Variants in RPAP2 observed in about 807,000 individuals in gnomAD.
RPAP2 encodes the protein RNA polymerase II associated protein 2.
Under a neutral mutation model 73.1 loss-of-function variants are expected in RPAP2, and 52 were observed. The ratio of observed to expected loss-of-function variants is 0.71; its 90% CI spans 0.57 to 0.90. RPAP2 has a LOEUF of 0.90. Ranked by LOEUF, RPAP2 falls within the 40% of genes least tolerant of loss-of-function variation. The pLI is 0.00. For synonymous variants in RPAP2, 225 were observed against 242.1 expected, an observed-to-expected ratio of 0.93 and a Z score of 0.65; for missense variants, 598 against 701.8, an observed-to-expected ratio of 0.85 and a Z score of 1.67.
chr1:92,359,053 CCCCACCTT>C (rs1654618749), intron 11 of RPAP2, among the ~76,000 whole-genome samples: 1 of 152,162 alleles, frequency 6.6e-6, no homozygotes, highest in Non-Finnish European at 1.5e-5. Context: ...TGTATCTTGC[CCCCACCTT>C]TTATGGAATT....
At chr1:92,355,901 A>C (rs930267057) in intron 11 of RPAP2, among the ~76,000 whole-genome samples, 2 of 152,218 alleles carry the variant, frequency 1.3e-5, no homozygotes, top group African/African-American at 4.8e-5. Context: ...GATAAGGGAT[A>C]CTCAAACTAT....
chr1:92,374,978 TAATA>T (rs1275029207), intron 11 of RPAP2, among the ~76,000 whole-genome samples: 14 of 152,114 alleles, frequency 9.2e-5, no homozygotes, highest in Admixed American at 4.6e-4. Flanking sequence ...AAATAAAATT[TAATA>T]AATAAATAAA....
At position 92,388,925 on chromosome 1, in the gene RPAP2, C is replaced by G. The variant is rs2101464225; in HGVS notation, c.*1914C>G. 6.6e-6 allele frequency: 1 copy of G among 152,422 alleles called. No individual in the cohort carries two copies. The highest frequency in any genetic ancestry group is 3.4e-3 in the Middle Eastern group (1 of 294). The allele number at this position is 152,422 out of a possible 1,614,324, so 9.4% of individuals were successfully genotyped here. A position where few individuals can be genotyped will look rare whatever the true frequency, so the allele number is the denominator to read the frequency against. On this transcript the variant is annotated 3_prime_UTR_variant, in exon 13 of 13. Transcript: ENST00000610020. Reference sequence around the variant, plus strand: ...CAGAGCCCACCACAGCTCAGCAAGGCCTACTGTCTCTGTAGATTCCACCTC... The same window carrying G: ...CAGAGCCCACCACAGCTCAGCAAGGGCTACTGTCTCTGTAGATTCCACCTC...
intron 11 of RPAP2, among the ~76,000 whole-genome samples, chr1:92,366,310 A>G (rs1329319761): frequency 3.9e-5 from 6 of 152,202 alleles, no homozygotes; most frequent in African/African-American, 1.4e-4. Flanking sequence ...CTCTTAAAAA[A>G]AGTGTCTGAA....
intron 6 of RPAP2, among the ~76,000 whole-genome samples, chr1:92,311,166 G>A (rs952858808): frequency 6.6e-6 from 1 of 152,020 alleles, no homozygotes; most frequent in Non-Finnish European, 1.5e-5. Context: ...TTTAGCTCAC[G>A]TTTTTGGTTG....
At chr1:92,383,285 G>GT (rs1379187805) in intron 12 of RPAP2, among the ~76,000 whole-genome samples, 1 of 152,158 alleles carries the variant, frequency 6.6e-6, no homozygotes, top group East Asian at 1.9e-4. Flanking sequence ...CTTTAAAGTA[G>GT]TTTTTTCCAA....
Position 92,381,765 on chromosome 1 carries a change from T to A in RPAP2, c.1838+892T>A, listed in dbSNP as rs186900987. 5.4e-3 allele frequency among the ~76,000 whole-genome samples: 828 copies of A among 152,036 alleles called. 34 individuals carry two copies. Among genetic ancestry groups the A allele is most frequent in the Admixed American group, 0.049 (748 of 15,262 alleles). ...GATGTCTGTCATTTATTTTATTATT[T>A]TTTTTAATTTTATTATTATTATACT... On this transcript the variant is annotated intron_variant, in intron 12 of 12. Coordinates refer to ENST00000610020, the MANE Select transcript of RPAP2 (RefSeq NM_024813.3).
intron 11 of RPAP2, among the ~76,000 whole-genome samples, chr1:92,380,139 G>A (rs1003004902): frequency 5.3e-5 from 8 of 151,290 alleles, no homozygotes; most frequent in Non-Finnish European, 7.4e-5. Flanking sequence ...TTAGCCGGGC[G>A]TGGTGGCAAG....
rs754885535 is a variant in RPAP2 at position 92,299,060 on chromosome 1, G to A, written c.-14G>A. On this transcript the variant is annotated 5_prime_UTR_variant, in exon 1 of 13. Transcript: ENST00000610020. ...CGCCGGAGCGTGTCCCCGTCCGGCA[G>A]ACTACTCTCCCCCATGGCGGACTTC... 1.6e-5 allele frequency: 24 copies of A among 1,462,570 alleles called. No individual in the cohort carries two copies. The highest frequency in any genetic ancestry group is 2.2e-4 in the Middle Eastern group (1 of 4,484). The allele number at this position is 1,462,570 out of a possible 1,614,324, so 90.6% of individuals were successfully genotyped here.
intron 11 of RPAP2, 127 bp downstream of exon 11, chr1:92,346,041 TTTTCC>T (rs1419785775): frequency 3.5e-6 from 2 of 571,814 alleles, no homozygotes; most frequent in Non-Finnish European, 6.1e-6. Flanking sequence ...TTGTGCCTTA[TTTTCC>T]TTTCCTATGT....
chr1:92,346,616 C>T (rs183258110), intron 11 of RPAP2, among the ~76,000 whole-genome samples: 2 of 152,102 alleles, frequency 1.3e-5, no homozygotes, highest in Non-Finnish European at 2.9e-5. Flanking sequence ...TTTTGTTTGT[C>T]AACATACTTT....
At chr1:92,338,028 A>G (rs1273306927) in intron 10 of RPAP2, among the ~76,000 whole-genome samples, 1 of 152,220 alleles carries the variant, frequency 6.6e-6, no homozygotes, top group Admixed American at 6.5e-5. Context: ...GTTTTCCTAA[A>G]TAATTGAAAG....
chr1:92,356,460 C>G (rs1184054039), intron 11 of RPAP2, among the ~76,000 whole-genome samples: 1 of 151,908 alleles, frequency 6.6e-6, no homozygotes, highest in Non-Finnish European at 1.5e-5. Context: ...CTCTATCACC[C>G]AGGCTGCAGT....
chr1:92,331,079 T>C (rs1336740841), intron 8 of RPAP2, among the ~76,000 whole-genome samples: 2 of 152,228 alleles, frequency 1.3e-5, no homozygotes, highest in African/African-American at 4.8e-5. Flanking sequence ...ACCTTAATTG[T>C]GGATTGATTA....
intron 11 of RPAP2, among the ~76,000 whole-genome samples, chr1:92,377,163 T>C (rs1381495287): frequency 6.6e-6 from 1 of 152,158 alleles, no homozygotes; most frequent in Non-Finnish European, 1.5e-5. Context: ...AGATAGACCC[T>C]AAGGCTTTGA....
chr1:92,304,010 G>A lies in RPAP2; in HGVS notation c.268G>A (p.Val90Ile). 1 of 1,613,000 alleles carries A rather than the reference G, an allele frequency of 6.2e-7. No individual in the cohort carries two copies. The highest frequency in any genetic ancestry group is 8.5e-7 in the Non-Finnish European group (1 of 1,179,482). ...RFITPAHYSD[V>I]VDERSIVKLC... ...CATTACACCTGCTCACTACAGTGAT[G>A]TCGTGGATGAACGTTCTATTGTCAA... Residue 90 changes from valine to isoleucine, a missense_variant, in exon 4 of 13, where the codon GTC becomes ATC. Around this residue, in one of 3 missense-constraint regions of RPAP2, gnomAD observed 506 missense variants for 612.8 expected, o/e 0.83. Transcript: ENST00000610020.
intron 3 of RPAP2, among the ~76,000 whole-genome samples, chr1:92,302,248 G>A (rs1650902452): frequency 6.6e-6 from 1 of 151,342 alleles, no homozygotes; most frequent in Non-Finnish European, 1.5e-5. Flanking sequence ...CTGCACTCCA[G>A]TCTGGGCAAC....
At position 92,397,466 on chromosome 1, in the gene RPAP2, C is replaced by T. The variant is rs1024966094; in HGVS notation, c.*10455C>T. 1 of 152,134 alleles carries T rather than the reference C, an allele frequency of 6.6e-6. No individual in the cohort carries two copies. Among genetic ancestry groups the T allele is most frequent in the Non-Finnish European group, 1.5e-5 (1 of 68,028 alleles). The allele number at this position is 152,134 out of a possible 1,614,324, so 9.4% of individuals were successfully genotyped here. A position where few individuals can be genotyped will look rare whatever the true frequency, so the allele number is the denominator to read the frequency against. ...CTCTCTGTGCCCAGAGATATCTCTT[C>T]AGTTATCTCACATGCCCTACAAGTC... On this transcript the variant is annotated 3_prime_UTR_variant, in exon 13 of 13. Transcript: ENST00000610020.
intron 9 of RPAP2, among the ~76,000 whole-genome samples, chr1:92,334,976 A>G (rs181211598): frequency 6.6e-6 from 1 of 152,254 alleles, no homozygotes; most frequent in East Asian, 1.9e-4. Flanking sequence ...CAACAGAGTG[A>G]GACTCCATCT....
Sources: gnomAD v4.1 joint callset for allele counts (sites outside exome capture counted in the v4.1 genomes callset) on GRCh38, gnomAD v4.1.1 for gene constraint, gnomAD v4.1.1 regional missense constraint, MANE v1.5 for transcripts, NCBI Gene and HGNC (gene_info 2026-07-23, HGNC 2026-07-21) for gene names.